Variants in SPART observed in about 807,000 individuals in gnomAD.
SPART encodes the protein spastic paraplegia 20 (Troyer syndrome).
SPART carries 35 observed loss-of-function variants against 58.7 expected under a neutral mutation model. That is an observed-to-expected ratio of 0.60 (90% CI 0.46 to 0.79). The LOEUF (loss-of-function observed/expected upper bound fraction) is 0.79. Ranked by LOEUF, SPART falls within the 30% of genes least tolerant of loss-of-function variation. SPART has a pLI of 0.00. For missense variants in SPART, 730 were observed against 786.1 expected (o/e 0.93, Z 0.85); for synonymous variants, 284 against 280.7 (o/e 1.01, Z -0.12).
In SPART at chr13:36,326,673, ACTT is replaced by A; in HGVS notation, c.1187_1189del (p.Glu396del). ...ACATGGTACAATGTGACTCAGGTTAACTTCTTCACTTGAAGTATCTTTAGCCTA... is the reference window on the plus strand; with the variant it reads ...ACATGGTACAATGTGACTCAGGTTAACTTCACTTGAAGTATCTTTAGCCTA... On this transcript the variant is annotated inframe_deletion, in exon 5 of 9. Transcript: ENST00000438666. 1 of 1,613,226 alleles carries A rather than the reference ACTT, an allele frequency of 6.2e-7. No homozygotes were observed. Among genetic ancestry groups the A allele is most frequent in the Non-Finnish European group, 8.5e-7 (1 of 1,179,824 alleles).
rs1881246406 is a variant in SPART, at chr13:36,312,563, A to G, written c.1484-86T>C. 1.1e-5 allele frequency: 15 copies of G among 1,334,250 alleles called. No homozygotes were observed. The Admixed American group carries it at 1.4e-4, about 12-fold the overall frequency. The allele number at this position is 1,334,250 out of a possible 1,614,324, so 82.7% of individuals were successfully genotyped here. A position where few individuals can be genotyped will look rare whatever the true frequency, so the allele number is the denominator to read the frequency against. On this transcript the variant is annotated intron_variant, in intron 6 of 8. Transcript: ENST00000438666. ...ACTCATCTTGCAACATTCTTAAATG[A>G]ACATCTAAATTGTTTTACTATATAA...
At chr13:36,353,268 G>A (rs1885493543) in intron 1 of SPART, among the ~76,000 whole-genome samples, 1 of 152,204 alleles carries the variant, frequency 6.6e-6, no homozygotes, top group Admixed American at 6.5e-5. Flanking sequence ...GAGAACCCAT[G>A]AACTGAGCTC....
At chr13:36,332,764 T>C (rs1424468787) in intron 2 of SPART, among the ~76,000 whole-genome samples, 1 of 152,188 alleles carries the variant, frequency 6.6e-6, no homozygotes, top group African/African-American at 2.4e-5. Context: ...ATACATTCTT[T>C]GAGAAACCAA....
chr13:36,326,511 T>C lies in SPART; in HGVS notation c.1288+64A>G, dbSNP rs145449897. On this transcript the variant is annotated intron_variant, in intron 5 of 8. Coordinates refer to ENST00000438666, the MANE Select transcript of SPART (RefSeq NM_015087.5). ...TTTCTCAGTATTCCCTAATAAACAATATCTTTATTTGGTTCCAAAGGCTTA... is the reference window on the plus strand; with the variant it reads ...TTTCTCAGTATTCCCTAATAAACAACATCTTTATTTGGTTCCAAAGGCTTA... 3.6e-4 allele frequency: 560 copies of C among 1,576,570 alleles called. 1 individual carries two copies. In the African/African-American group the frequency reaches 6.4e-3, roughly 18 times the overall value.
intron 5 of SPART, among the ~76,000 whole-genome samples, chr13:36,315,466 A>G (rs1183206057): frequency 1.3e-5 from 2 of 152,262 alleles, no homozygotes; most frequent in Non-Finnish European, 1.5e-5. Context: ...ACTCCAGCCC[A>G]TGAATAAGCA....
intron 1 of SPART, among the ~76,000 whole-genome samples, chr13:36,362,450 C>A (rs1237121948): frequency 6.6e-6 from 1 of 151,766 alleles, no homozygotes; most frequent in Non-Finnish European, 1.5e-5. Flanking sequence ...TCTAATGAGT[C>A]ACAGCTGACT....
In SPART at chr13:36,359,091, G is replaced by A. The variant is rs147671914; in HGVS notation, c.-3+10998C>T. Reference sequence around the variant, plus strand: ...TTTATGTAATATGTTCCAAACCACAGCAAGTACCAGACAAAGCCCAGGTTC... The same window carrying A: ...TTTATGTAATATGTTCCAAACCACAACAAGTACCAGACAAAGCCCAGGTTC... On this transcript the variant is annotated intron_variant, in intron 1 of 8. Coordinates refer to the SPART transcript ENST00000355182. Among the ~76,000 whole-genome samples, 18 of 152,286 alleles carry A rather than the reference G, an allele frequency of 1.2e-4. No homozygotes were observed. The East Asian group carries it at 3.1e-3, about 26-fold the overall frequency.
chr13:36,314,468 G>A, intron 5 of SPART, 47 bp from the exon 6 acceptor site: 1 of 1,538,804 alleles, frequency 6.5e-7, no homozygotes, highest in Non-Finnish European at 9.0e-7. Context: ...GGCTAATTAT[G>A]CTTTTGAACA....
intron 1 of SPART, among the ~76,000 whole-genome samples, chr13:36,343,602 CAAATT>C (rs1440658662): frequency 6.6e-6 from 1 of 152,044 alleles, no homozygotes; most frequent in Admixed American, 6.6e-5. Context: ...GGTTCACAAG[CAAATT>C]AAAAGTACTG....
At chr13:36,367,206 A>G (rs1162699646) in intron 1 of SPART, among the ~76,000 whole-genome samples, 1 of 152,154 alleles carries the variant, frequency 6.6e-6, no homozygotes, top group African/African-American at 2.4e-5. Flanking sequence ...AACCTTTGAT[A>G]TGCAAATGCT....
In SPART at chr13:36,319,734, G is replaced by A. The variant is rs568198536; in HGVS notation, c.1289-5313C>T. On this transcript the variant is annotated intron_variant, in intron 5 of 8. Coordinates refer to ENST00000438666, the MANE Select transcript of SPART (RefSeq NM_015087.5). ...CTATCCCTTTGCACCCTTCATCCCA[G>A]CCTTTCTTCGCTTTCACTTGGACTG... Among the ~76,000 whole-genome samples the A allele has an allele frequency of 5.0e-5, 7 of 140,246 alleles. No individual in the cohort carries two copies. The East Asian group carries it at 1.6e-3, about 32-fold the overall frequency. 92.0% of individuals were successfully genotyped at this position (140,246 alleles called of 152,430 possible). A position where few individuals can be genotyped will look rare whatever the true frequency, so the allele number is the denominator to read the frequency against.
In SPART at chr13:36,329,292, T is replaced by C. The variant is rs566134472; in HGVS notation, c.1164+70A>G. On this transcript the variant is annotated intron_variant, in intron 4 of 8. Transcript: ENST00000438666. ...GCTTTAGTATATGGGAATATGATCA[T>C]ATAAATACATGAAACTGGAGAAAGG... The C allele has an allele frequency of 1.5e-5, 23 of 1,564,732 alleles. No homozygotes were observed. The Admixed American group carries it at 1.5e-4, about 10-fold the overall frequency.
chr13:36,327,823 A>G (rs552431252), intron 4 of SPART, among the ~76,000 whole-genome samples: 8 of 152,202 alleles, frequency 5.3e-5, no homozygotes, highest in Admixed American at 3.3e-4. Flanking sequence ...CTGAAACCCC[A>G]TCTCTACTAA....
At chr13:36,326,739 T>C in intron 4 of SPART, 41 bp from the exon 5 acceptor site, 1 of 1,606,072 alleles carries the variant, frequency 6.2e-7, no homozygotes, top group South Asian at 1.1e-5. Context: ...GAGTTAGTAC[T>C]AAGAGGGGGA....
At chr13:36,306,869 C>CA (rs976355604) in intron 8 of SPART, among the ~76,000 whole-genome samples, 13 of 152,134 alleles carry the variant, frequency 8.5e-5, no homozygotes, top group African/African-American at 9.6e-5. Context: ...TTCTTTATCT[C>CA]AAAAAAACGA....
At chr13:36,320,118 T>C (rs1593238696) in intron 5 of SPART, among the ~76,000 whole-genome samples, 2 of 152,180 alleles carry the variant, frequency 1.3e-5, no homozygotes, top group African/African-American at 4.8e-5. Context: ...TTAATACTTT[T>C]AGAGGCCCTC....
At chr13:36,360,200 C>T (rs969963295) in intron 1 of SPART, among the ~76,000 whole-genome samples, 2 of 151,636 alleles carry the variant, frequency 1.3e-5, no homozygotes, top group African/African-American at 4.9e-5. Flanking sequence ...GAGGCTGAGG[C>T]AGGAGAATCG....
chr13:36,350,323 A>G (rs377581026), upstream of SPART, among the ~76,000 whole-genome samples: 1 of 152,178 alleles, frequency 6.6e-6, no homozygotes, highest in Non-Finnish European at 1.5e-5. Flanking sequence ...TCAGTCAGGA[A>G]CTATCTCCGT....
intron 8 of SPART, among the ~76,000 whole-genome samples, chr13:36,306,256 G>A (rs1880499357): frequency 6.6e-6 from 1 of 152,150 alleles, no homozygotes; most frequent in Non-Finnish European, 1.5e-5. Context: ...TTTGCTGATA[G>A]TGCAGGAGAT....
Sources: gnomAD v4.1 joint callset for allele counts (sites outside exome capture counted in the v4.1 genomes callset) on GRCh38, gnomAD v4.1.1 for gene constraint, MANE v1.5 for transcripts, NCBI Gene and HGNC (gene_info 2026-07-23, HGNC 2026-07-21) for gene names.